The following SH3RF1 variants were observed in gnomAD, a reference collection of about 807,000 sequenced individuals.
The protein encoded by SH3RF1 is E3 ubiquitin-protein ligase SH3RF1.
Under a neutral mutation model 74.0 loss-of-function variants are expected in SH3RF1, and 32 were observed. The observed-to-expected ratio is 0.43, with a 90% CI of 0.33 to 0.58. The LOEUF is 0.58. Among genes scored for constraint, SH3RF1 ranks in the 20% least tolerant of loss-of-function variants. The pLI, the probability that SH3RF1 is intolerant of heterozygous loss-of-function variation, is 0.05. For synonymous variants in SH3RF1, 396 were observed against 439.6 expected, an observed-to-expected ratio of 0.90 and a Z score of 1.24; for missense variants, 954 against 1,130.9, an observed-to-expected ratio of 0.84 and a Z score of 2.24.
chr4:169,144,312 A>G (rs1406257143), intron 4 of SH3RF1, among the ~76,000 whole-genome samples: 1 of 152,206 alleles, frequency 6.6e-6, no homozygotes, highest in Non-Finnish European at 1.5e-5. Context: ...AATGATCTGT[A>G]AAATTTTATG....
chr4:169,161,090 A>G lies in SH3RF1; in HGVS notation c.394-4411T>C, dbSNP rs141441174. On this transcript the variant is annotated intron_variant, in intron 2 of 11. Transcript: ENST00000284637. ...GCCCCCAAGGATCCACAGAGCTTAC[A>G]TTTCACTTGGAGACTTTCACTTGGC... Among the ~76,000 whole-genome samples the G allele has an allele frequency of 3.2e-3, 483 of 152,228 alleles. 1 individual carries two copies. The highest frequency in any genetic ancestry group is 0.014 in the South Asian group (68 of 4,820).
At chr4:169,135,488 C>CT (rs1733684785) in intron 5 of SH3RF1, among the ~76,000 whole-genome samples, 1 of 152,120 alleles carries the variant, frequency 6.6e-6, no homozygotes, top group African/African-American at 2.4e-5. Context: ...ATTCTTTGAC[C>CT]TTTAAGTTGA....
intron 2 of SH3RF1, among the ~76,000 whole-genome samples, chr4:169,175,490 TCTTA>T (rs1734405631): frequency 6.6e-6 from 1 of 152,162 alleles, no homozygotes; most frequent in Non-Finnish European, 1.5e-5. Context: ...AGGATCCTTC[TCTTA>T]CTTTTCCTTC....
chr4:169,168,896 G>A (rs953027383), intron 2 of SH3RF1, among the ~76,000 whole-genome samples: 3 of 152,150 alleles, frequency 2.0e-5, no homozygotes, highest in Non-Finnish European at 2.9e-5. Context: ...ATGAGAGAGT[G>A]AGCAGGGAGG....
chr4:169,207,382 G>A (rs1444922336), intron 2 of SH3RF1, among the ~76,000 whole-genome samples: 5 of 152,178 alleles, frequency 3.3e-5, no homozygotes, highest in East Asian at 1.9e-4. Context: ...AGCCATGATC[G>A]TGCCACTGTG....
chr4:169,238,964 G>T, intron 2 of SH3RF1, among the ~76,000 whole-genome samples: 1 of 146,876 alleles, frequency 6.8e-6, no homozygotes, highest in African/African-American at 2.5e-5. Context: ...GCTAATTTCC[G>T]CCCCCCCCCA....
intron 4 of SH3RF1, among the ~76,000 whole-genome samples, chr4:169,154,228 AT>A (rs1440750639): frequency 6.6e-6 from 1 of 152,182 alleles, no homozygotes; most frequent in Non-Finnish European, 1.5e-5. Flanking sequence ...GAGGAAAAAA[AT>A]ATTTCAATAA....
intron 2 of SH3RF1, among the ~76,000 whole-genome samples, chr4:169,190,975 A>T (rs1054385948): frequency 1.1e-4 from 16 of 152,190 alleles, no homozygotes; most frequent in Non-Finnish European, 2.4e-4. Flanking sequence ...CAAAAATCAC[A>T]TCATCATCTC....
chr4:169,260,104 G>A (rs1731253929), intron 2 of SH3RF1, among the ~76,000 whole-genome samples: 1 of 152,176 alleles, frequency 6.6e-6, no homozygotes, highest in Non-Finnish European at 1.5e-5. Flanking sequence ...TTAAGGAATG[G>A]AGGTGTGCAA....
chr4:169,226,994 C>G (rs760702021), intron 2 of SH3RF1, among the ~76,000 whole-genome samples: 2 of 151,870 alleles, frequency 1.3e-5, no homozygotes, highest in African/African-American at 2.4e-5. Flanking sequence ...TAACAAGACC[C>G]CATCTCTATA....
chr4:169,164,081 G>T (rs1734193311), intron 2 of SH3RF1, among the ~76,000 whole-genome samples: 1 of 152,170 alleles, frequency 6.6e-6, no homozygotes, highest in African/African-American at 2.4e-5. Context: ...TCTAGAGAAG[G>T]TGCTGCTCTT....
intron 10 of SH3RF1, among the ~76,000 whole-genome samples, chr4:169,107,666 C>A (rs532671129): frequency 6.6e-6 from 1 of 152,328 alleles, no homozygotes; most frequent in Non-Finnish European, 1.5e-5. Flanking sequence ...TCTCTAATTA[C>A]TGTAAGAGAG....
At chr4:169,168,949 A>G (rs1473362732) in intron 2 of SH3RF1, among the ~76,000 whole-genome samples, 9 of 152,220 alleles carry the variant, frequency 5.9e-5, no homozygotes. Flanking sequence ...GAATTCGCCT[A>G]CAGAAATCAA....
At chr4:169,133,790 A>G (rs573182612) in intron 5 of SH3RF1, among the ~76,000 whole-genome samples, 1 of 152,296 alleles carries the variant, frequency 6.6e-6, no homozygotes, top group South Asian at 2.1e-4. Flanking sequence ...AAAAGAAAAG[A>G]AAAGGAAAGG....
intron 2 of SH3RF1, among the ~76,000 whole-genome samples, chr4:169,184,614 A>G (rs1054200317): frequency 6.6e-6 from 1 of 152,214 alleles, no homozygotes. Context: ...CTAATTAACT[A>G]TGAGCCACTA....
At chr4:169,241,057 C>A (rs1730900331) in intron 2 of SH3RF1, among the ~76,000 whole-genome samples, 1 of 152,110 alleles carries the variant, frequency 6.6e-6, no homozygotes. Context: ...AGTGAAACCC[C>A]TTCTCTACTA....
intron 2 of SH3RF1, among the ~76,000 whole-genome samples, chr4:169,204,550 C>CTTTT (rs35188309): frequency 8.8e-6 from 1 of 114,150 alleles, no homozygotes; most frequent in Non-Finnish European, 1.8e-5. Context: ...ATTACCTTCT[C>CTTTT]TTTTTTTTTT....
chr4:169,265,634 C>T (rs1019301536), intron 2 of SH3RF1, among the ~76,000 whole-genome samples: 5 of 151,910 alleles, frequency 3.3e-5, no homozygotes, highest in South Asian at 4.2e-4. Context: ...CCACCACACC[C>T]GGCTAATTTT....
chr4:169,253,228 T>C (rs1248453245), intron 2 of SH3RF1, among the ~76,000 whole-genome samples: 2 of 152,236 alleles, frequency 1.3e-5, no homozygotes, highest in African/African-American at 4.8e-5. Context: ...CAAACCTTCC[T>C]AGCATGTTGC....
Sources: gnomAD v4.1 joint callset for allele counts (sites outside exome capture counted in the v4.1 genomes callset) on GRCh38, gnomAD v4.1.1 for gene constraint, MANE v1.5 for transcripts, NCBI Gene and HGNC (gene_info 2026-07-23, HGNC 2026-07-21) for gene names.